COL4A3: variants seen among roughly 807,000 people sequenced by gnomAD.
The protein encoded by COL4A3 is collagen type IV alpha 3 chain.
In COL4A3, 135 loss-of-function variants were observed where a neutral mutation model predicts 217.4. The ratio of observed to expected loss-of-function variants is 0.62; its 90% CI spans 0.54 to 0.72. The LOEUF (loss-of-function observed/expected upper bound fraction) is 0.72, where lower values mean the gene tolerates loss of function less well. COL4A3 is among the 30% of genes least tolerant of loss of function. The pLI is 0.00. For synonymous variants in COL4A3, 690 were observed against 736.3 expected, an observed-to-expected ratio of 0.94 and a Z score of 1.02; for missense variants, 1,868 against 2,119.9, an observed-to-expected ratio of 0.88 and a Z score of 2.33.
intron 1 of COL4A3, among the ~76,000 whole-genome samples, chr2:227,176,802 G>A (rs76790839): frequency 0.023 from 3,569 of 152,250 alleles, 105 homozygotes; most frequent in African/African-American, 0.067. Context: ...ATCAAATGAC[G>A]AAGTTTGTCT....
Position 227,308,677 on chromosome 2 carries a change from C to T in COL4A3, c.4463-222C>T, listed in dbSNP as rs115532542. ...TTCTAAATCGATTAGAAAGAGCCAC[C>T]GGAAGTATTAAAGGTGGGAGAAAGA... is the stretch of plus-strand genomic sequence containing the variant. On this transcript the variant is annotated intron_variant, in intron 48 of 51. Coordinates refer to ENST00000396578, the MANE Select transcript of COL4A3 (RefSeq NM_000091.5). 9.8e-3 allele frequency among the ~76,000 whole-genome samples: 1,489 copies of T among 152,260 alleles called. 21 individuals carry two copies. Among genetic ancestry groups the T allele is most frequent in the African/African-American group, 0.03 (1,232 of 41,534 alleles).
rs143273769 is a variant in COL4A3, at chr2:227,283,892, C to T, written c.2746+36C>T. On this transcript the variant is annotated intron_variant, in intron 33 of 51. Coordinates refer to ENST00000396578, the MANE Select transcript of COL4A3 (RefSeq NM_000091.5). ...GAGTGTCTTTCTAAATAGCAGGAAG[C>T]ATAAACAATGTTCATTTATTTTGCA... The T allele has an allele frequency of 5.1e-5, 78 of 1,514,704 alleles. No homozygotes were observed. In the African/African-American group the frequency reaches 7.7e-4, roughly 15 times the overall value. 93.8% of individuals were successfully genotyped at this position (1,514,704 alleles called of 1,614,324 possible). A position where few individuals can be genotyped will look rare whatever the true frequency, so the allele number is the denominator to read the frequency against.
chr2:227,305,337 C>T (rs577380686), intron 47 of COL4A3: 91 of 451,416 alleles, frequency 2.0e-4, no homozygotes, highest in African/African-American at 1.7e-3. Context: ...ACAAATAGAA[C>T]TAATAAGTCC....
intron 1 of COL4A3, among the ~76,000 whole-genome samples, chr2:227,201,126 T>C (rs1393081444): frequency 6.6e-6 from 1 of 152,196 alleles, no homozygotes; most frequent in Admixed American, 6.5e-5. Flanking sequence ...CCTTAATGAC[T>C]CTCTTTTTAC....
At chr2:227,239,995 G>C in intron 2 of COL4A3, 148 bp from the exon 3 acceptor site, 1 of 780,418 alleles carries the variant, frequency 1.3e-6, no homozygotes, top group Non-Finnish European at 2.2e-6. Context: ...TCACTCCTGA[G>C]TGCTAATTAT....
intron 1 of COL4A3, among the ~76,000 whole-genome samples, chr2:227,193,745 G>A (rs28496808): frequency 0.072 from 2,177 of 30,348 alleles, 185 homozygotes; most frequent in East Asian, 0.12. Context: ...GGGAGGGAGG[G>A]AGGGAAGGAA....
At position 227,203,269 on chromosome 2, in the gene COL4A3, G is replaced by A. The variant is rs1022472033; in HGVS notation, c.88-34699G>A. On this transcript the variant is annotated intron_variant, in intron 1 of 51. Coordinates refer to ENST00000396578, the MANE Select transcript of COL4A3 (RefSeq NM_000091.5). ...CATATATGTATATATACATATATGTGTATATATGTGTATATATACATATAT... is the reference window on the plus strand; with the variant it reads ...CATATATGTATATATACATATATGTATATATATGTGTATATATACATATAT... Among the ~76,000 whole-genome samples, 5 of 19,226 alleles carry A rather than the reference G, an allele frequency of 2.6e-4. 2 individuals carry two copies. The South Asian group carries it at 5.9e-3, about 23-fold the overall frequency. The allele number at this position is 19,226 out of a possible 152,430, so 12.6% of individuals were successfully genotyped here.
At chr2:227,216,055 G>A (rs139125218) in intron 1 of COL4A3, among the ~76,000 whole-genome samples, 64 of 152,218 alleles carry the variant, frequency 4.2e-4, no homozygotes, top group African/African-American at 5.5e-4. Flanking sequence ...ATACAGAGTC[G>A]TGTTTGGCAG....
intron 8 of COL4A3, 107 bp downstream of exon 8, chr2:227,247,691 C>A: frequency 8.9e-7 from 1 of 1,120,812 alleles, no homozygotes; most frequent in Non-Finnish European, 1.4e-6. Context: ...ATTTCATAAT[C>A]CAGACCTTAA....
chr2:227,227,533 A>G (rs879418349), intron 1 of COL4A3, among the ~76,000 whole-genome samples: 3 of 152,152 alleles, frequency 2.0e-5, no homozygotes, highest in Non-Finnish European at 4.4e-5. Context: ...ATCTCAAAAA[A>G]AAAAAGAAGA....
chr2:227,266,342 A>T, intron 21 of COL4A3, 75 bp from the exon 22 acceptor site: 1 of 1,094,238 alleles, frequency 9.1e-7, no homozygotes, highest in Non-Finnish European at 1.4e-6. Flanking sequence ...CATTTTAAAT[A>T]ATACATATAT....
At chr2:227,288,189 T>C (rs576770440) in intron 34 of COL4A3, among the ~76,000 whole-genome samples, 1 of 151,432 alleles carries the variant, frequency 6.6e-6, no homozygotes, top group East Asian at 1.9e-4. Context: ...CTCCGCCTCC[T>C]AGGTTCAAGT....
Position 227,310,913 on chromosome 2 carries a change from C to T in COL4A3, c.4893C>T (p.Phe1631=), listed in dbSNP as rs183218622. ...TCNYYSNSYS[F]WLASLNPERM... ...ACTACTATTCAAATTCCTACAGTTTCTGGCTGGCTTCATTAAACCCAGAAA... is the reference window on the plus strand; with the variant it reads ...ACTACTATTCAAATTCCTACAGTTTTTGGCTGGCTTCATTAAACCCAGAAA... Residue 1631 remains phenylalanine, a synonymous_variant, in exon 51 of 52, where the codon TTC becomes TTT. Coordinates refer to ENST00000396578, the MANE Select transcript of COL4A3 (RefSeq NM_000091.5). 3.9e-3 allele frequency: 6,292 copies of T among 1,614,020 alleles called. 22 individuals are homozygous for T. The highest frequency in any genetic ancestry group is 4.7e-3 in the Non-Finnish European group (5,507 of 1,180,006).
intron 1 of COL4A3, among the ~76,000 whole-genome samples, chr2:227,184,836 C>CTCTAA (rs60283484): frequency 0.33 from 49,137 of 146,928 alleles, 8,463 homozygotes; most frequent in African/African-American, 0.4. Context: ...GAAAAATTCT[C>CTCTAA]TCTAAACTTG....
intron 16 of COL4A3, 135 bp downstream of exon 16, chr2:227,256,205 T>C (rs1360833183): frequency 1.3e-5 from 15 of 1,131,766 alleles, no homozygotes; most frequent in Non-Finnish European, 1.6e-5. Context: ...TTGGGAATCA[T>C]AGTTTTACAT....
chr2:227,304,842 T>C (rs1289854841), intron 46 of COL4A3, 143 bp from the exon 47 acceptor site: 1 of 705,864 alleles, frequency 1.4e-6, no homozygotes. Context: ...CTAATCATCC[T>C]AGCTTGCCCA....
chr2:227,168,386 T>A (rs192612323), intron 1 of COL4A3, among the ~76,000 whole-genome samples: 21 of 152,366 alleles, frequency 1.4e-4, no homozygotes, highest in African/African-American at 4.8e-4. Context: ...TTTTGACCAG[T>A]GAGTTTGTAA....
At chr2:227,223,670 G>T (rs2067934308) in intron 1 of COL4A3, among the ~76,000 whole-genome samples, 1 of 152,182 alleles carries the variant, frequency 6.6e-6, no homozygotes, top group Admixed American at 6.5e-5. Context: ...GAAGGTGGAG[G>T]TTCCAGTGAG....
chr2:227,254,202 C>A (rs2069995433), intron 14 of COL4A3, 28 bp downstream of exon 14: 3 of 1,587,324 alleles, frequency 1.9e-6, no homozygotes, highest in Non-Finnish European at 8.6e-7. Flanking sequence ...ATATTGTCCC[C>A]ATAACACATA....
Sources: gnomAD v4.1 joint callset for allele counts (sites outside exome capture counted in the v4.1 genomes callset) on GRCh38, gnomAD v4.1.1 for gene constraint, MANE v1.5 for transcripts, NCBI Gene and HGNC (gene_info 2026-07-23, HGNC 2026-07-21) for gene names.